Variants in PSME4 observed in about 807,000 individuals in gnomAD.
PSME4 encodes the protein proteasome activator complex subunit 4.
A neutral mutation model predicts 253.9 loss-of-function variants in PSME4; 89 were observed. The ratio of observed to expected loss-of-function variants is 0.35; its 90% confidence interval spans 0.30 to 0.42. The LOEUF (loss-of-function observed/expected upper bound fraction) is 0.42, where lower values mean the gene tolerates loss of function less well. Ranked by LOEUF, PSME4 falls within the 10% of genes least tolerant of loss-of-function variation. The probability of loss-of-function intolerance (pLI) is 1.00; values close to 1 mark genes in which losing one functional copy is unlikely to be tolerated. For missense variants in PSME4, 2,014 were observed against 2,195.2 expected (o/e 0.92, Z 1.65); for synonymous variants, 851 against 759.2 (o/e 1.12, Z -1.99).
intron 41 of PSME4, among the ~76,000 whole-genome samples, chr2:53,880,794 AG>A (rs1463056560): frequency 6.6e-6 from 1 of 152,214 alleles, no homozygotes; most frequent in African/African-American, 2.4e-5. Context: ...AATACTCAAC[AG>A]TTCAAATCTC....
intron 29 of PSME4, among the ~76,000 whole-genome samples, 170 bp downstream of exon 29, chr2:53,899,711 G>A (rs867825701): frequency 3.3e-5 from 5 of 151,874 alleles, no homozygotes; most frequent in Non-Finnish European, 5.9e-5. Context: ...TCAGCTACTC[G>A]GGAGGCTGAC....
intron 1 of PSME4, among the ~76,000 whole-genome samples, chr2:53,964,548 G>C (rs1019929833): frequency 1.3e-5 from 2 of 152,134 alleles, no homozygotes; most frequent in African/African-American, 4.8e-5. Context: ...GGTTCTCACT[G>C]ATGAGTTTGG....
intron 20 of PSME4, among the ~76,000 whole-genome samples, chr2:53,911,149 A>G (rs1441895065): frequency 6.6e-6 from 1 of 152,230 alleles, no homozygotes; most frequent in Non-Finnish European, 1.5e-5. Flanking sequence ...AGGTAAAAAC[A>G]TATTTCTAAA....
Position 53,926,981 on chromosome 2 carries a change from AAG to A in PSME4, c.1593+411_1593+412del, listed in dbSNP as rs1491152656. On this transcript the variant is annotated intron_variant, in intron 12 of 46. Transcript: ENST00000404125. Reference sequence around the variant, plus strand: ...TAACAAGACTCCATCTCAAAAAAAAAAGAAAGAAAGAAAGAAAGAAAGAAGTT... The same window carrying A: ...TAACAAGACTCCATCTCAAAAAAAAAAAAGAAAGAAAGAAAGAAAGAAGTT... 1.7e-4 allele frequency among the ~76,000 whole-genome samples: 26 copies of A among 150,204 alleles called. 1 individual carries two copies. Among genetic ancestry groups the A allele is most frequent in the South Asian group, 4.2e-4 (2 of 4,782 alleles).
At chr2:53,941,015 T>A (rs1669431225) in intron 3 of PSME4, among the ~76,000 whole-genome samples, 1 of 110,210 alleles carries the variant, frequency 9.1e-6, no homozygotes, top group African/African-American at 3.2e-5. Context: ...GGAGTAAGTT[T>A]CAGGCAATGT....
intron 10 of PSME4, among the ~76,000 whole-genome samples, chr2:53,929,244 G>A (rs916610666): frequency 2.6e-5 from 4 of 151,574 alleles, no homozygotes; most frequent in East Asian, 1.9e-4. Flanking sequence ...CTAATCTAAC[G>A]GTCAGTCAGT....
At chr2:53,936,624 T>A in intron 6 of PSME4, 140 bp downstream of exon 6, 1 of 570,408 alleles carries the variant, frequency 1.8e-6, no homozygotes, top group African/African-American at 2.0e-5. Context: ...GATCATAACA[T>A]GGCTAACAGC....
rs182439142 is a variant in PSME4, at chr2:53,953,693, C to A, written c.243-4410G>T. ...CATTTTTTAGACTACTCTGGTTTGA[C>A]TTTCCTGTAAGCTTAAGTTCAAAAA... On this transcript the variant is annotated intron_variant, in intron 1 of 46. Coordinates refer to ENST00000404125, the MANE Select transcript of PSME4 (RefSeq NM_014614.3). Among the ~76,000 whole-genome samples, 11 of 151,338 alleles carry A rather than the reference C, an allele frequency of 7.3e-5. No individual in the cohort carries two copies. The East Asian group carries it at 1.9e-3, about 27-fold the overall frequency.
chr2:53,911,813 C>T (rs945919126), intron 20 of PSME4, among the ~76,000 whole-genome samples: 2 of 152,122 alleles, frequency 1.3e-5, no homozygotes, highest in Non-Finnish European at 2.9e-5. Context: ...AAAAAGCATT[C>T]TTTATAACCA....
At chr2:53,915,977 AG>A (rs1419983616) in intron 20 of PSME4, among the ~76,000 whole-genome samples, 1 of 152,164 alleles carries the variant, frequency 6.6e-6, no homozygotes, top group Non-Finnish European at 1.5e-5. Flanking sequence ...TGAGAATGTG[AG>A]GCAGGATAAT....
intron 1 of PSME4, among the ~76,000 whole-genome samples, chr2:53,958,256 TGAG>T (rs1182761351): frequency 6.6e-6 from 1 of 150,840 alleles, no homozygotes; most frequent in Non-Finnish European, 1.5e-5. Flanking sequence ...CTCGGGAGGC[TGAG>T]GTGGGAGAAC....
chr2:53,865,304 G>C lies in PSME4; in HGVS notation c.*274C>G, dbSNP rs1473386968. On this transcript the variant is annotated 3_prime_UTR_variant, in exon 47 of 47. Coordinates refer to ENST00000404125, the MANE Select transcript of PSME4 (RefSeq NM_014614.3). ...GTCTTGGATGCCATGATCATACTGG[G>C]TAATTATTTCTAGTCTGAGACTTTG... 3 of 152,450 alleles carry C rather than the reference G, an allele frequency of 2.0e-5. No homozygotes were observed. Among genetic ancestry groups the C allele is most frequent in the Non-Finnish European group, 4.4e-5 (3 of 68,014 alleles). 9.4% of individuals were successfully genotyped at this position (152,450 alleles called of 1,614,324 possible).
rs1449023538 is a variant in PSME4 at position 53,865,084 on chromosome 2, C to T, written c.*494G>A. ...TCAGGACTTGCCCTCTTTTCCTTCCCTCTTCATGGCTCTCCAGACCCAAGG... is the reference window on the plus strand; with the variant it reads ...TCAGGACTTGCCCTCTTTTCCTTCCTTCTTCATGGCTCTCCAGACCCAAGG... On this transcript the variant is annotated 3_prime_UTR_variant, in exon 47 of 47. Transcript: ENST00000404125. 2 of 152,624 alleles carry T rather than the reference C, an allele frequency of 1.3e-5. No homozygotes were observed. The highest frequency in any genetic ancestry group is 2.9e-5 in the Non-Finnish European group (2 of 68,066). 9.5% of individuals were successfully genotyped at this position (152,624 alleles called of 1,614,324 possible).
intron 1 of PSME4, among the ~76,000 whole-genome samples, chr2:53,950,372 T>C (rs1669918451): frequency 6.6e-6 from 1 of 152,180 alleles, no homozygotes; most frequent in Non-Finnish European, 1.5e-5. Context: ...AACACTGCTC[T>C]CTTATTGTAA....
intron 41 of PSME4, among the ~76,000 whole-genome samples, chr2:53,882,901 A>C (rs1015136655): frequency 1.8e-5 from 2 of 111,194 alleles, no homozygotes; most frequent in African/African-American, 6.5e-5. Flanking sequence ...GAGGAAATAC[A>C]AAAAAAAATA....
intron 35 of PSME4, 98 bp downstream of exon 35, chr2:53,893,576 G>A: frequency 6.4e-7 from 1 of 1,551,578 alleles, no homozygotes; most frequent in Non-Finnish European, 8.7e-7. Flanking sequence ...TTAGATCAAG[G>A]CAGATGGCTA....
intron 1 of PSME4, among the ~76,000 whole-genome samples, chr2:53,954,846 A>G (rs1274341814): frequency 6.6e-6 from 1 of 151,938 alleles, no homozygotes; most frequent in African/African-American, 2.4e-5. Flanking sequence ...TCAAAAAAAA[A>G]AATAACAATA....
chr2:53,949,071 A>T, intron 2 of PSME4, 72 bp downstream of exon 2: 1 of 1,452,260 alleles, frequency 6.9e-7, no homozygotes, highest in East Asian at 2.4e-5. Flanking sequence ...TACCAAAAAC[A>T]CTTAGTCCTC....
chr2:53,881,690 T>C (rs967735981), intron 41 of PSME4, among the ~76,000 whole-genome samples: 1 of 152,064 alleles, frequency 6.6e-6, no homozygotes, highest in Non-Finnish European at 1.5e-5. Flanking sequence ...GTTCAAGTGA[T>C]TCTCCTGTCT....
Sources: gnomAD v4.1 joint callset for allele counts (sites outside exome capture counted in the v4.1 genomes callset) on GRCh38, gnomAD v4.1.1 for gene constraint, MANE v1.5 for transcripts, NCBI Gene and HGNC (gene_info 2026-07-23, HGNC 2026-07-21) for gene names.